The following SLC25A21 variants were observed in gnomAD, a reference collection of about 807,000 sequenced individuals.
The protein encoded by SLC25A21 is solute carrier family 25 member 21, also known as mitochondrial 2-oxodicarboxylate carrier.
In SLC25A21, 47 loss-of-function variants were observed where a neutral mutation model predicts 43.8. The ratio of observed to expected loss-of-function variants is 1.07; its 90% CI spans 0.85 to 1.37. The LOEUF (loss-of-function observed/expected upper bound fraction) is 1.37. SLC25A21 is among the 40% of genes most tolerant of loss of function. SLC25A21 has a pLI of 0.00. For missense variants in SLC25A21, 352 were observed against 350.2 expected (o/e 1.00, Z -0.04); for synonymous variants, 131 against 121.3 (o/e 1.08, Z -0.52).
intron 3 of SLC25A21, among the ~76,000 whole-genome samples, chr14:36,813,492 T>C (rs1168566947): frequency 6.6e-6 from 1 of 152,094 alleles, no homozygotes; most frequent in Non-Finnish European, 1.5e-5. Context: ...CCCAAGCAGC[T>C]GGAACTACAG....
chr14:36,997,636 C>T (rs1960400122), intron 1 of SLC25A21, among the ~76,000 whole-genome samples: 1 of 152,034 alleles, frequency 6.6e-6, no homozygotes. Flanking sequence ...CAAGACCAGC[C>T]TGTTCAACAT....
chr14:37,001,556 A>C (rs995338327), intron 1 of SLC25A21, among the ~76,000 whole-genome samples: 17 of 152,066 alleles, frequency 1.1e-4, no homozygotes, highest in Non-Finnish European at 2.4e-4. Flanking sequence ...TAATTCCCAG[A>C]AATGTATTTT....
intron 1 of SLC25A21, among the ~76,000 whole-genome samples, chr14:36,906,449 CTAAT>C (rs1891535963): frequency 1.3e-5 from 2 of 151,464 alleles, no homozygotes; most frequent in Admixed American, 1.3e-4. Context: ...CAAGATGACT[CTAAT>C]GCATGGATGA....
At chr14:36,839,444 A>G (rs1310754952) in intron 2 of SLC25A21, among the ~76,000 whole-genome samples, 1 of 152,230 alleles carries the variant, frequency 6.6e-6, no homozygotes, top group Non-Finnish European at 1.5e-5. Context: ...ATATTGGGCA[A>G]AAGGGACTAA....
At chr14:36,742,191 C>T (rs1001795065) in intron 3 of SLC25A21, among the ~76,000 whole-genome samples, 2 of 150,286 alleles carry the variant, frequency 1.3e-5, no homozygotes, top group African/African-American at 4.8e-5. Context: ...TCTTTTTTCA[C>T]AAAATTTTTC....
intron 4 of SLC25A21, among the ~76,000 whole-genome samples, chr14:36,733,511 A>G (rs1287558999): frequency 6.6e-6 from 1 of 152,228 alleles, no homozygotes; most frequent in Non-Finnish European, 1.5e-5. Flanking sequence ...TTGACATCAT[A>G]TAAAGGTTGG....
At chr14:36,983,307 T>C (rs17105860) in intron 1 of SLC25A21, among the ~76,000 whole-genome samples, 66,299 of 151,966 alleles carry the variant, frequency 0.44, 18,017 homozygotes, top group African/African-American at 0.78. Flanking sequence ...GAGGAAGGAA[T>C]CATAGTCTTT....
At chr14:36,928,856 A>G (rs373373954) in intron 1 of SLC25A21, among the ~76,000 whole-genome samples, 2 of 152,206 alleles carry the variant, frequency 1.3e-5, no homozygotes, top group African/African-American at 4.8e-5. Context: ...GTTTATTTGC[A>G]AGAAAAACTA....
chr14:37,114,069 G>C (rs896513208), intron 1 of SLC25A21, among the ~76,000 whole-genome samples: 1 of 152,036 alleles, frequency 6.6e-6, no homozygotes, highest in Non-Finnish European at 1.5e-5. Flanking sequence ...TGTATAGCAT[G>C]TTCTGACATT....
intron 1 of SLC25A21, among the ~76,000 whole-genome samples, chr14:36,972,907 A>G (rs2138688576): frequency 6.6e-6 from 1 of 152,234 alleles, no homozygotes; most frequent in East Asian, 1.9e-4. Flanking sequence ...ATCATGGCTC[A>G]CTGCAGCCTT....
At chr14:36,886,662 A>G (rs2138576173) in intron 1 of SLC25A21, among the ~76,000 whole-genome samples, 1 of 152,338 alleles carries the variant, frequency 6.6e-6, no homozygotes, top group African/African-American at 2.4e-5. Flanking sequence ...AGAGTTTTAA[A>G]ATAAGTGAGT....
rs1594632381 is a variant in SLC25A21 at position 36,840,869 on chromosome 14, A to G, written c.120-26868T>C. Among the ~76,000 whole-genome samples the G allele has an allele frequency of 2.6e-5, 4 of 152,296 alleles. No individual in the cohort carries two copies. The East Asian group carries it at 7.7e-4, about 29-fold the overall frequency. ...ATCACGGAAAAGAGCGGCAGCTGCT[A>G]TATTTGTTTTTCAGGGTTTTAATGC... On this transcript the variant is annotated intron_variant, in intron 2 of 9. Transcript: ENST00000331299.
chr14:37,084,374 C>T (rs531937743), intron 1 of SLC25A21, among the ~76,000 whole-genome samples: 1 of 152,276 alleles, frequency 6.6e-6, no homozygotes, highest in South Asian at 2.1e-4. Flanking sequence ...TAGGGGCAGT[C>T]GGCCCTGCTT....
chr14:37,081,468 C>T (rs1445265241), intron 1 of SLC25A21, among the ~76,000 whole-genome samples: 1 of 152,152 alleles, frequency 6.6e-6, no homozygotes, highest in Non-Finnish European at 1.5e-5. Flanking sequence ...CAGTGATTTG[C>T]TTCTTGTTTC....
At chr14:37,060,433 C>T (rs79936218) in intron 1 of SLC25A21, among the ~76,000 whole-genome samples, 1 of 144,868 alleles carries the variant, frequency 6.9e-6, no homozygotes, top group Non-Finnish European at 1.5e-5. Context: ...AATGATGTAA[C>T]CCAAGAGAAG....
intron 1 of SLC25A21, among the ~76,000 whole-genome samples, chr14:37,001,113 C>T (rs771321094): frequency 2.6e-5 from 4 of 152,086 alleles, no homozygotes; most frequent in South Asian, 2.1e-4. Context: ...ATTTTATATG[C>T]CTATTTAATA....
chr14:36,736,668 A>G (rs1409071077), intron 3 of SLC25A21, among the ~76,000 whole-genome samples: 1 of 152,200 alleles, frequency 6.6e-6, no homozygotes, highest in East Asian at 1.9e-4. Context: ...TAAAGCTTTT[A>G]AAACAGAGTG....
chr14:36,699,671 C>T (rs570654258), intron 7 of SLC25A21, among the ~76,000 whole-genome samples: 20 of 152,322 alleles, frequency 1.3e-4, no homozygotes, highest in African/African-American at 4.3e-4. Flanking sequence ...GTCCCTCCCC[C>T]AGCCAGGCTG....
intron 6 of SLC25A21, among the ~76,000 whole-genome samples, chr14:36,716,096 T>TAATAAATAAATA (rs112429500): frequency 1.2e-4 from 18 of 151,344 alleles, no homozygotes; most frequent in African/African-American, 4.4e-4. Flanking sequence ...GTCTCAAAAA[T>TAATAAATAAATA]AATAAATAAA....
Sources: allele counts gnomAD v4.1 joint callset (sites outside exome capture counted in the v4.1 genomes callset), GRCh38; gene constraint gnomAD v4.1.1; transcripts MANE v1.5; gene names NCBI Gene and HGNC (gene_info 2026-07-23, HGNC 2026-07-21).